The following SLC9C1 variants were observed in gnomAD, a reference collection of about 807,000 sequenced individuals.
The protein encoded by SLC9C1 is sodium/hydrogen exchanger 10.
SLC9C1 carries 97 observed loss-of-function variants against 140.9 expected under a neutral mutation model. The observed-to-expected ratio is 0.69, with a 90% CI of 0.58 to 0.82. SLC9C1 has a LOEUF of 0.82. Among genes scored for constraint, SLC9C1 ranks in the 40% least tolerant of loss-of-function variants. SLC9C1 has a pLI of 0.00. For synonymous variants in SLC9C1, 440 were observed against 442.6 expected, an observed-to-expected ratio of 0.99 and a Z score of 0.07; for missense variants, 1,340 against 1,389.3, an observed-to-expected ratio of 0.96 and a Z score of 0.56.
chr3:112,176,488 T>A (rs2077338935), intron 23 of SLC9C1, among the ~76,000 whole-genome samples: 1 of 152,352 alleles, frequency 6.6e-6, no homozygotes, highest in South Asian at 2.1e-4. Flanking sequence ...TGGTTTAAAG[T>A]CTTTGACCAA....
At chr3:112,183,817 G>T (rs2107967228) in intron 20 of SLC9C1, among the ~76,000 whole-genome samples, 1 of 57,750 alleles carries the variant, frequency 1.7e-5, no homozygotes, top group South Asian at 6.5e-4. Context: ...GCACCCTTGT[G>T]CAATCGGCTA....
rs1349829502 is a variant in SLC9C1, at chr3:112,205,976, G to C, written c.1987-1573C>G. ...TCATGTCTAAAACACCAAAAGCAAT[G>C]GCAACAAAAGCCAAAATTGACAAAT... is the stretch of plus-strand genomic sequence containing the variant. On this transcript the variant is annotated intron_variant, in intron 16 of 28. Coordinates refer to ENST00000305815, the MANE Select transcript of SLC9C1 (RefSeq NM_183061.3). 3.7e-5 allele frequency among the ~76,000 whole-genome samples: 4 copies of C among 107,316 alleles called. No individual in the cohort carries two copies. In the South Asian group the frequency reaches 1.8e-3, roughly 49 times the overall value. 70.4% of individuals were successfully genotyped at this position (107,316 alleles called of 152,430 possible).
At chr3:112,291,652 C>G (rs568012631) in intron 1 of SLC9C1, among the ~76,000 whole-genome samples, 1 of 152,286 alleles carries the variant, frequency 6.6e-6, no homozygotes, top group South Asian at 2.1e-4. Flanking sequence ...AAAAGGAATG[C>G]TTATACACTG....
chr3:112,217,032 G>T (rs953108957), intron 15 of SLC9C1, among the ~76,000 whole-genome samples: 3 of 152,068 alleles, frequency 2.0e-5, no homozygotes, highest in African/African-American at 4.8e-5. Context: ...GCCATAAAAA[G>T]GGATGAGTTC....
rs1163503504 is a variant in SLC9C1 at position 112,208,145 on chromosome 3, A to T, written c.1986+33T>A. On this transcript the variant is annotated intron_variant, in intron 16 of 28. Coordinates refer to ENST00000305815, the MANE Select transcript of SLC9C1 (RefSeq NM_183061.3). ...TAGGAAATCTCCCTGTCAGACATAT[A>T]ACACTTCCATACACACATAAATTTT... The T allele has an allele frequency of 6.1e-6, 9 of 1,485,388 alleles. No homozygotes were observed. The South Asian group carries it at 1.1e-4, about 18-fold the overall frequency. 92.0% of individuals were successfully genotyped at this position (1,485,388 alleles called of 1,614,324 possible).
chr3:112,283,494 A>AAAAT (rs1553707068), intron 2 of SLC9C1, among the ~76,000 whole-genome samples: 1 of 147,144 alleles, frequency 6.8e-6, no homozygotes. Context: ...AAAAAAAAAA[A>AAAAT]AGAATGTCTT....
chr3:112,257,414 A>G (rs555217526), intron 10 of SLC9C1, among the ~76,000 whole-genome samples: 1 of 152,282 alleles, frequency 6.6e-6, no homozygotes, highest in South Asian at 2.1e-4. Flanking sequence ...CAACCATCTT[A>G]TCTTGGACAA....
At chr3:112,271,426 T>A (rs2080074804) in intron 6 of SLC9C1, among the ~76,000 whole-genome samples, 1 of 138,714 alleles carries the variant, frequency 7.2e-6, no homozygotes, top group Non-Finnish European at 1.6e-5. Flanking sequence ...CCTCACATTG[T>A]ACCCCATAAA....
At chr3:112,148,963 T>C (rs1447962124) in intron 28 of SLC9C1, among the ~76,000 whole-genome samples, 1 of 152,034 alleles carries the variant, frequency 6.6e-6, no homozygotes, top group African/African-American at 2.4e-5. Context: ...GCTCCTAATC[T>C]AGAAGAGTGG....
chr3:112,215,107 A>G (rs1317674972), intron 15 of SLC9C1, among the ~76,000 whole-genome samples: 1 of 152,216 alleles, frequency 6.6e-6, no homozygotes, highest in African/African-American at 2.4e-5. Flanking sequence ...AAAGGCAAAA[A>G]TCACATGATT....
chr3:112,186,245 A>G (rs913023932), intron 20 of SLC9C1, among the ~76,000 whole-genome samples: 4 of 74,894 alleles, frequency 5.3e-5, no homozygotes, highest in East Asian at 1.1e-3. Context: ...TTAAAATCCA[A>G]TTTGGTATCC....
At chr3:112,167,196 A>G in intron 26 of SLC9C1, 25 bp downstream of exon 26, 1 of 1,601,358 alleles carries the variant, frequency 6.2e-7, no homozygotes, top group East Asian at 2.3e-5. Flanking sequence ...AAGTTTTCAC[A>G]ATTGCTGAAA....
intron 20 of SLC9C1, chr3:112,185,834 G>A (rs1034612757): frequency 1.9e-4 from 296 of 1,584,310 alleles, no homozygotes; most frequent in Non-Finnish European, 2.4e-4. Context: ...CCTCCTCCTC[G>A]TAAGCAGGGC....
At chr3:112,264,438 T>TC in intron 8 of SLC9C1, 95 bp from the exon 9 acceptor site, 2 of 653,002 alleles carry the variant, frequency 3.1e-6, no homozygotes, top group Non-Finnish European at 4.4e-6. Context: ...TGCTAATGAT[T>TC]ACCAAAAAAT....
intron 11 of SLC9C1, among the ~76,000 whole-genome samples, chr3:112,242,189 A>G (rs373969009): frequency 4.7e-4 from 71 of 152,312 alleles, no homozygotes; most frequent in African/African-American, 1.6e-3. Context: ...AGATTAGCAA[A>G]CTATACATCT....
intron 20 of SLC9C1, among the ~76,000 whole-genome samples, chr3:112,194,945 G>A (rs1225151775): frequency 1.3e-5 from 2 of 151,878 alleles, no homozygotes; most frequent in African/African-American, 4.8e-5. Context: ...GTCTTCTTTG[G>A]AGAAATTTCT....
chr3:112,234,801 T>A (rs932841914), intron 12 of SLC9C1, among the ~76,000 whole-genome samples: 1 of 152,164 alleles, frequency 6.6e-6, no homozygotes, highest in African/African-American at 2.4e-5. Flanking sequence ...TGTGTGGTAT[T>A]ATTTCTGAGG....
intron 5 of SLC9C1, 73 bp downstream of exon 5, chr3:112,277,622 A>G: frequency 7.7e-7 from 1 of 1,302,472 alleles, no homozygotes; most frequent in Non-Finnish European, 1.0e-6. Flanking sequence ...TACCAAAAGC[A>G]AAAGATCTTA....
intron 20 of SLC9C1, among the ~76,000 whole-genome samples, chr3:112,188,116 A>T (rs953720111): frequency 6.6e-6 from 1 of 152,276 alleles, no homozygotes; most frequent in Non-Finnish European, 1.5e-5. Flanking sequence ...CTCCAACTTG[A>T]TGGACATATA....
Sources: allele counts gnomAD v4.1 joint callset (sites outside exome capture counted in the v4.1 genomes callset), GRCh38; gene constraint gnomAD v4.1.1; transcripts MANE v1.5; gene names NCBI Gene and HGNC (gene_info 2026-07-23, HGNC 2026-07-21).